The following GRK2 variants were observed in gnomAD, a reference collection of about 807,000 sequenced individuals.
GRK2 encodes adrenergic beta receptor kinase 1.
In GRK2, 23 loss-of-function variants were observed where a neutral mutation model predicts 97.8. The ratio of observed to expected loss-of-function variants is 0.24; its 90% CI spans 0.17 to 0.33. The LOEUF (loss-of-function observed/expected upper bound fraction) is 0.33. GRK2 is among the 10% of genes least tolerant of loss of function. The pLI is 1.00. For missense variants in GRK2, 633 were observed against 956.9 expected, an observed-to-expected ratio of 0.66 and a Z score of 4.47; for synonymous variants, 425 against 381.7, an observed-to-expected ratio of 1.11 and a Z score of -1.32.
In GRK2 at chr11:67,282,667, A is replaced by C; in HGVS notation, c.1161-85A>C. The C allele has an allele frequency of 6.3e-7, 1 of 1,576,692 alleles. No individual in the cohort carries two copies. Among genetic ancestry groups the C allele is most frequent in the Admixed American group, 1.7e-5 (1 of 57,702 alleles). On this transcript the variant is annotated intron_variant, in intron 13 of 20. Coordinates refer to ENST00000308595, the MANE Select transcript of GRK2 (RefSeq NM_001619.5). The surrounding 1 kb of genome is among the most constrained non-coding windows in gnomAD (Gnocchi z 6.9). Reference sequence around the variant, plus strand: ...GGTGGTAGGGTTGGCACCGTCCCTGACTTTGGCCACAGCTCATCCATGCTG... The same window carrying C: ...GGTGGTAGGGTTGGCACCGTCCCTGCCTTTGGCCACAGCTCATCCATGCTG...
In GRK2 at chr11:67,281,974, A is replaced by C. The variant is rs201769132; in HGVS notation, c.957+22A>C. On this transcript the variant is annotated intron_variant, in intron 11 of 20. Coordinates refer to ENST00000308595, the MANE Select transcript of GRK2 (RefSeq NM_001619.5). The surrounding 1 kb of genome is among the most constrained non-coding windows in gnomAD (Gnocchi z 5.7). ...GAAGGTGAGCGCCCCTGCTGTCCCC[A>C]GGCTGGACCTCCGTGGCTGTCCTCT... 1.0e-4 allele frequency: 163 copies of C among 1,612,662 alleles called. No individual in the cohort carries two copies. Among genetic ancestry groups the C allele is most frequent in the Admixed American group, 6.0e-4 (36 of 59,990 alleles).
Position 67,285,687 on chromosome 11 carries a change from G to T in GRK2, c.*237G>T, listed in dbSNP as rs958202162. The T allele has an allele frequency of 7.4e-6, 4 of 538,276 alleles. No individual in the cohort carries two copies. In the African/African-American group the frequency reaches 7.8e-5, roughly 10 times the overall value. The allele number at this position is 538,276 out of a possible 1,614,324, so 33.3% of individuals were successfully genotyped here. On this transcript the variant is annotated 3_prime_UTR_variant, in exon 21 of 21. Coordinates refer to ENST00000308595, the MANE Select transcript of GRK2 (RefSeq NM_001619.5). ...CTGCCCGCTCCCAGTGTCTTCCTGT[G>T]GGGGAAGAGCACAGCCCTCCCGCCC... is the stretch of plus-strand genomic sequence containing the variant.
intron 1 of GRK2, among the ~76,000 whole-genome samples, chr11:67,271,349 A>C (rs1859903602): frequency 6.6e-6 from 1 of 152,222 alleles, no homozygotes; most frequent in Non-Finnish European, 1.5e-5. Flanking sequence ...TTACTGCAAA[A>C]GGACGCGTCT....
chr11:67,279,264 CTA>C lies in GRK2; in HGVS notation c.257_258del (p.Tyr86Ter). ...LEEARPLVEF[Y>X]EEIKKYEKLE... ...AGGAGGCCAGGCCCTTGGTGGAATT[CTA>C]TGAGGAGGTGAGACCCAGAGGCCCA... On this transcript the variant is annotated frameshift_variant, in exon 3 of 21. Coordinates refer to ENST00000308595, the MANE Select transcript of GRK2 (RefSeq NM_001619.5). LOFTEE classifies it high-confidence loss of function. 6.2e-7 allele frequency: 1 copy of C among 1,613,560 alleles called. No individual in the cohort carries two copies. The highest frequency in any genetic ancestry group is 8.5e-7 in the Non-Finnish European group (1 of 1,179,976).
intron 1 of GRK2, among the ~76,000 whole-genome samples, chr11:67,274,257 C>T (rs1462911528): frequency 3.3e-5 from 5 of 151,832 alleles, no homozygotes; most frequent in Admixed American, 1.3e-4. Context: ...ATGATTCGCC[C>T]GCCTCGGCCT....
In GRK2 at chr11:67,281,003, G is replaced by C; in HGVS notation, c.556-90G>C. On this transcript the variant is annotated intron_variant, in intron 7 of 20. Transcript: ENST00000308595. This position sits in a 1 kb window ranked among gnomAD's most constrained non-coding sequence, Gnocchi z 5.7. ...CCAGGACATGGGTATGGGGACCCTG[G>C]CATGGGGCCAGCCCCTGCTGCCCAG... The C allele has an allele frequency of 8.0e-7, 1 of 1,251,578 alleles. No individual in the cohort carries two copies. Among genetic ancestry groups the C allele is most frequent in the South Asian group, 1.3e-5 (1 of 75,368 alleles). The allele number at this position is 1,251,578 out of a possible 1,614,324, so 77.5% of individuals were successfully genotyped here.
Position 67,269,922 on chromosome 11 carries a change from C to T in GRK2, c.113+3110C>T, listed in dbSNP as rs1209958528. On this transcript the variant is annotated intron_variant, in intron 1 of 20. Coordinates refer to ENST00000308595, the MANE Select transcript of GRK2 (RefSeq NM_001619.5). This position sits in a 1 kb window ranked among gnomAD's most constrained non-coding sequence, Gnocchi z 4.1. ...GCACAGGGGCCTCCCCTTCTGTCAC[C>T]CTATAGAATCCAAGGAAACAGTCCC... 6.6e-6 allele frequency among the ~76,000 whole-genome samples: 1 copy of T among 152,216 alleles called. No homozygotes were observed. The highest frequency in any genetic ancestry group is 1.5e-5 in the Non-Finnish European group (1 of 68,040).
intron 18 of GRK2, 81 bp from the exon 19 acceptor site, chr11:67,284,766 G>C: frequency 6.6e-7 from 1 of 1,525,772 alleles, no homozygotes; most frequent in Non-Finnish European, 8.9e-7. Flanking sequence ...TCCAGCCTGG[G>C]CAACAGAGTG....
Position 67,285,199 on chromosome 11 carries a change from G to T in GRK2, c.1905+11G>T. 4 of 1,613,190 alleles carry T rather than the reference G, an allele frequency of 2.5e-6. No individual in the cohort carries two copies. The highest frequency in any genetic ancestry group is 3.4e-6 in the Non-Finnish European group (4 of 1,179,834). ...ATTTTGCAGTGCGATGTGAGTGGGG[G>T]CTGAGCCAGGGATGGGAGGGCCGAG... On this transcript the variant is annotated intron_variant, in intron 20 of 20. Transcript: ENST00000308595.
chr11:67,278,918 G>A (rs117537958), intron 2 of GRK2, among the ~76,000 whole-genome samples: 4 of 152,264 alleles, frequency 2.6e-5, no homozygotes, highest in Non-Finnish European at 4.4e-5. Context: ...AGCCAACCCC[G>A]CTCCTCTGCC....
chr11:67,278,987 G>T (rs1318646745), intron 2 of GRK2, among the ~76,000 whole-genome samples: 1 of 152,154 alleles, frequency 6.6e-6, no homozygotes, highest in Admixed American at 6.5e-5. Flanking sequence ...TCAGGAAGAG[G>T]GTAGAAACAC....
Position 67,284,275 on chromosome 11 carries a change from AG to A in GRK2, c.1558del (p.Glu520ArgfsTer54). ...CTCACCATCTCGGAGCGGTGGCAGC[AG>A]GAGGTGGCAGAGACTGTCTTCGACA... ...FPLTISERWQQEVAETVFDTI... is the reference protein window; with the variant it reads ...FPLTISERWQXEVAETVFDTI... On this transcript the variant is annotated frameshift_variant, in exon 18 of 21. Coordinates refer to ENST00000308595, the MANE Select transcript of GRK2 (RefSeq NM_001619.5). LOFTEE classifies it high-confidence loss of function. 1 of 1,613,484 alleles carries A rather than the reference AG, an allele frequency of 6.2e-7. No individual in the cohort carries two copies. The highest frequency in any genetic ancestry group is 8.5e-7 in the Non-Finnish European group (1 of 1,179,990).
chr11:67,266,765 C>T lies in GRK2; in HGVS notation c.66C>T (p.Ala22=), dbSNP rs1370384991. The part of the protein sequence containing the change: ...SYLMAMEKSK[A]TPAARASKKI... Reference sequence around the variant, plus strand: ...TGATGGCCATGGAGAAGAGCAAGGCCACGCCGGCCGCGCGCGCCAGCAAGA... The same window carrying T: ...TGATGGCCATGGAGAAGAGCAAGGCTACGCCGGCCGCGCGCGCCAGCAAGA... The change falls in exon 1 of 21, where the codon GCC becomes GCT. Residue 22 remains alanine, a synonymous_variant. Coordinates refer to ENST00000308595, the MANE Select transcript of GRK2 (RefSeq NM_001619.5). 7.3e-7 allele frequency: 1 copy of T among 1,377,018 alleles called. No homozygotes were observed. 85.3% of individuals were successfully genotyped at this position (1,377,018 alleles called of 1,614,324 possible).
chr11:67,281,790 CTG>C lies in GRK2; in HGVS notation c.827-31_827-30del. 1 of 1,613,672 alleles carries C rather than the reference CTG, an allele frequency of 6.2e-7. No homozygotes were observed. On this transcript the variant is annotated intron_variant, in intron 10 of 20. Transcript: ENST00000308595. The surrounding 1 kb of genome is among the most constrained non-coding windows in gnomAD (Gnocchi z 5.7). ...AGGCACGGGAGGCTGGGGCAAGACA[CTG>C]AGTGCTGCCTGTGGGACTGCCTCCC...
chr11:67,281,020 G>A lies in GRK2; in HGVS notation c.556-73G>A. 7.3e-7 allele frequency: 1 copy of A among 1,378,846 alleles called. No homozygotes were observed. The highest frequency in any genetic ancestry group is 1.0e-6 in the Non-Finnish European group (1 of 994,358). 85.4% of individuals were successfully genotyped at this position (1,378,846 alleles called of 1,614,324 possible). A position where few individuals can be genotyped will look rare whatever the true frequency, so the allele number is the denominator to read the frequency against. On this transcript the variant is annotated intron_variant, in intron 7 of 20. Transcript: ENST00000308595. The surrounding 1 kb of genome is among the most constrained non-coding windows in gnomAD (Gnocchi z 5.7). Reference sequence around the variant, plus strand: ...GGACCCTGGCATGGGGCCAGCCCCTGCTGCCCAGGTGCCTCTGCCCCAGGG... The same window carrying A: ...GGACCCTGGCATGGGGCCAGCCCCTACTGCCCAGGTGCCTCTGCCCCAGGG...
chr11:67,273,632 G>C (rs556049818), intron 1 of GRK2, among the ~76,000 whole-genome samples: 1 of 152,280 alleles, frequency 6.6e-6, no homozygotes, highest in South Asian at 2.1e-4. Flanking sequence ...CAAGGACTCT[G>C]CTCAGGCCTG....
In GRK2 at chr11:67,269,300, G is replaced by A. The variant is rs1859860632; in HGVS notation, c.113+2488G>A. Reference sequence around the variant, plus strand: ...TCCTTTTGACAACTGTGAGAGGCAGGCCCAGCAGTTAGGATTCTCCCCTTT... The same window carrying A: ...TCCTTTTGACAACTGTGAGAGGCAGACCCAGCAGTTAGGATTCTCCCCTTT... On this transcript the variant is annotated intron_variant, in intron 1 of 20. Transcript: ENST00000308595. The surrounding 1 kb of genome is among the most constrained non-coding windows in gnomAD (Gnocchi z 4.1). Among the ~76,000 whole-genome samples the A allele has an allele frequency of 6.6e-6, 1 of 152,158 alleles. No homozygotes were observed. The highest frequency in any genetic ancestry group is 1.5e-5 in the Non-Finnish European group (1 of 68,020).
At position 67,266,770 on chromosome 11, in the gene GRK2, C is replaced by G. The variant is rs1436404023; in HGVS notation, c.71C>G (p.Pro24Arg). 7.3e-7 allele frequency: 1 copy of G among 1,368,500 alleles called. No individual in the cohort carries two copies. Among genetic ancestry groups the G allele is most frequent in the Non-Finnish European group, 9.6e-7 (1 of 1,047,090 alleles). 84.8% of individuals were successfully genotyped at this position (1,368,500 alleles called of 1,614,324 possible). A position where few individuals can be genotyped will look rare whatever the true frequency, so the allele number is the denominator to read the frequency against. The change falls in exon 1 of 21, where the codon CCG becomes CGG. Residue 24 changes from proline (P) to arginine (R), a missense_variant. Around this residue, in one of 4 missense-constraint regions of GRK2, gnomAD observed 193 missense variants for 212.2 expected, o/e 0.91. Transcript: ENST00000308595. Reference protein sequence around the residue: ...LMAMEKSKATPAARASKKILL... With the variant: ...LMAMEKSKATRAARASKKILL... ...GCCATGGAGAAGAGCAAGGCCACGCCGGCCGCGCGCGCCAGCAAGAAGATC... is the reference window on the plus strand; with the variant it reads ...GCCATGGAGAAGAGCAAGGCCACGCGGGCCGCGCGCGCCAGCAAGAAGATC...
rs760526542 is a variant in GRK2, at chr11:67,282,969, C to T, written c.1227+151C>T. On this transcript the variant is annotated intron_variant, in intron 14 of 20. Transcript: ENST00000308595. The surrounding 1 kb of genome is among the most constrained non-coding windows in gnomAD (Gnocchi z 6.9). ...AGACAGACCTCCTGCCCCATAGGCT[C>T]TCGCCCTCCCCGTGCTGTTGGAGCA... is the stretch of plus-strand genomic sequence containing the variant. The T allele has an allele frequency of 7.7e-6, 9 of 1,166,572 alleles. No individual in the cohort carries two copies. Among genetic ancestry groups the T allele is most frequent in the East Asian group, 2.4e-5 (1 of 41,640 alleles). 72.3% of individuals were successfully genotyped at this position (1,166,572 alleles called of 1,614,324 possible).
Sources: gnomAD v4.1 joint callset for allele counts (sites outside exome capture counted in the v4.1 genomes callset) on GRCh38, gnomAD v4.1.1 for gene constraint, gnomAD v4.1.1 regional missense constraint, Gnocchi (gnomAD v3.1) non-coding constraint, MANE v1.5 for transcripts, NCBI Gene and HGNC (gene_info 2026-07-23, HGNC 2026-07-21) for gene names.